PTPRN2: variants seen among roughly 807,000 people sequenced by gnomAD.
The protein encoded by PTPRN2 is receptor-type tyrosine-protein phosphatase N2.
A neutral mutation model predicts 118.8 loss-of-function variants in PTPRN2; 74 were observed. The observed-to-expected ratio is 0.62, with a 90% CI of 0.52 to 0.76. The LOEUF is 0.76. Among genes scored for constraint, PTPRN2 ranks in the 30% least tolerant of loss-of-function variants. The probability of loss-of-function intolerance (pLI) is 0.00; values close to 1 mark genes in which losing one functional copy is unlikely to be tolerated. For missense variants in PTPRN2, 1,481 were observed against 1,394.4 expected, an observed-to-expected ratio of 1.06 and a Z score of -0.99; for synonymous variants, 641 against 608.0, an observed-to-expected ratio of 1.05 and a Z score of -0.80.
chr7:157,683,534 C>G, intron 12 of PTPRN2, among the ~76,000 whole-genome samples: 1 of 152,356 alleles, frequency 6.6e-6, no homozygotes, highest in Non-Finnish European at 1.5e-5. Context: ...ACTCCAGTCA[C>G]TCTCCAGGAG....
At chr7:158,394,375 G>T (rs1586560546) in intron 2 of PTPRN2, among the ~76,000 whole-genome samples, 1 of 152,224 alleles carries the variant, frequency 6.6e-6, no homozygotes, top group African/African-American at 2.4e-5. Context: ...GGCATTGGAG[G>T]CCACGGAAGT....
intron 3 of PTPRN2, among the ~76,000 whole-genome samples, chr7:158,296,320 A>G (rs1800496173): frequency 6.6e-6 from 1 of 152,068 alleles, no homozygotes. Context: ...GTTGGAGGAG[A>G]GCCTGGCTGC....
intron 14 of PTPRN2, among the ~76,000 whole-genome samples, chr7:157,644,312 C>T (rs771443633): frequency 6.6e-5 from 10 of 152,212 alleles, no homozygotes; most frequent in Non-Finnish European, 1.3e-4. Flanking sequence ...TCAGGAGGAA[C>T]AAGCCCTGCC....
At chr7:157,915,742 T>C (rs1798360282) in intron 11 of PTPRN2, among the ~76,000 whole-genome samples, 1 of 152,202 alleles carries the variant, frequency 6.6e-6, no homozygotes, top group African/African-American at 2.4e-5. Flanking sequence ...AGTCATCCAC[T>C]GATGTCCCCG....
intron 2 of PTPRN2, among the ~76,000 whole-genome samples, chr7:158,422,709 T>C (rs1471847630): frequency 1.3e-5 from 2 of 151,280 alleles, no homozygotes; most frequent in Non-Finnish European, 2.9e-5. Context: ...CATTCGGATG[T>C]GGTCTCAGTC....
Position 158,440,646 on chromosome 7 carries a change from A to G in PTPRN2, c.163+49089T>C, listed in dbSNP as rs951584538. On this transcript the variant is annotated intron_variant, in intron 2 of 22. Transcript: ENST00000389418. ...AGGTGGTCGTGGTGATGATGGTGGC[A>G]GTAGTGATGGTGGTAGTGATAGTGA... Among the ~76,000 whole-genome samples, 86 of 117,128 alleles carry G rather than the reference A, an allele frequency of 7.3e-4. 1 individual carries two copies. Among genetic ancestry groups the G allele is most frequent in the African/African-American group, 2.4e-3 (69 of 28,926 alleles). 76.8% of individuals were successfully genotyped at this position (117,128 alleles called of 152,430 possible). A position where few individuals can be genotyped will look rare whatever the true frequency, so the allele number is the denominator to read the frequency against.
At chr7:157,948,122 A>G (rs1800596208) in intron 11 of PTPRN2, among the ~76,000 whole-genome samples, 1 of 152,268 alleles carries the variant, frequency 6.6e-6, no homozygotes, top group Non-Finnish European at 1.5e-5. Flanking sequence ...GCCATACAAG[A>G]AAATAAAGAA....
intron 2 of PTPRN2, among the ~76,000 whole-genome samples, chr7:158,452,850 G>C (rs1479823531): frequency 6.6e-6 from 1 of 152,230 alleles, no homozygotes; most frequent in Non-Finnish European, 1.5e-5. Flanking sequence ...ACTGCACAAA[G>C]AGTCTTCTCC....
chr7:157,550,107 C>T lies in PTPRN2; in HGVS notation c.2903-1088G>A, dbSNP rs768946954. On this transcript the variant is annotated intron_variant, in intron 21 of 22. Coordinates refer to ENST00000389418, the MANE Select transcript of PTPRN2 (RefSeq NM_002847.5). The surrounding 1 kb of genome is among the most constrained non-coding windows in gnomAD (Gnocchi z 5.2). ...CAGGTGGTCCCCAGGCCTTTCTCTC[C>T]GGCCGCAACCTGAGTGCACACCACA... 2.6e-5 allele frequency among the ~76,000 whole-genome samples: 4 copies of T among 152,226 alleles called. No homozygotes were observed. Among genetic ancestry groups the T allele is most frequent in the Admixed American group, 1.3e-4 (2 of 15,284 alleles).
intron 3 of PTPRN2, among the ~76,000 whole-genome samples, chr7:158,300,806 C>G (rs1800838280): frequency 6.6e-6 from 1 of 152,086 alleles, no homozygotes; most frequent in Admixed American, 6.5e-5. Flanking sequence ...AGCCCACAGT[C>G]CTTCTCATGT....
intron 2 of PTPRN2, among the ~76,000 whole-genome samples, chr7:158,318,187 G>A (rs1802507795): frequency 6.6e-6 from 1 of 152,202 alleles, no homozygotes; most frequent in South Asian, 2.1e-4. Context: ...CGCACCACAG[G>A]CGGGAACACA....
rs1193712841 is a variant in PTPRN2 at position 158,265,402 on chromosome 7, G to A, written c.277+51417C>T. On this transcript the variant is annotated intron_variant, in intron 3 of 22. Transcript: ENST00000389418. ...TACTTGCAGGCAGGCACCCACCTGC[G>A]GGCACACACCTGTGGGCACACACCT... 6.2e-5 allele frequency among the ~76,000 whole-genome samples: 9 copies of A among 146,196 alleles called. No individual in the cohort carries two copies. In the East Asian group the frequency reaches 1.2e-3, roughly 20 times the overall value.
intron 9 of PTPRN2, among the ~76,000 whole-genome samples, chr7:158,121,612 G>A (rs1003837981): frequency 1.3e-5 from 2 of 152,256 alleles, no homozygotes; most frequent in African/African-American, 4.8e-5. Flanking sequence ...GCTCCACCAC[G>A]AATCCTGGGC....
At chr7:158,203,225 C>CAAAAA (rs56016358) in intron 4 of PTPRN2, among the ~76,000 whole-genome samples, 5 of 50,342 alleles carry the variant, frequency 9.9e-5, no homozygotes, top group Admixed American at 2.8e-4. Flanking sequence ...AAGCAAGAGC[C>CAAAAA]AAAAAAAAAA....
In PTPRN2 at chr7:158,285,278, T is replaced by C. The variant is rs142861252; in HGVS notation, c.277+31541A>G. 9.0e-3 allele frequency among the ~76,000 whole-genome samples: 1,376 copies of C among 152,286 alleles called. 25 individuals carry two copies. The highest frequency in any genetic ancestry group is 0.031 in the African/African-American group (1,308 of 41,570). On this transcript the variant is annotated intron_variant, in intron 3 of 22. Transcript: ENST00000389418. ...AACAAAAGAGTGGTCTGGGGGATCC[T>C]GTGCTATGTAGGGACAGGAGAAGGT...
rs544851186 is a variant in PTPRN2 at position 158,552,870 on chromosome 7, G to A, written c.112+34688C>T. ...ACACCCCAGAGAAACCCTAGAGAGTGGACACTATCCTCCGTGTCTACACAC... is the reference window on the plus strand; with the variant it reads ...ACACCCCAGAGAAACCCTAGAGAGTAGACACTATCCTCCGTGTCTACACAC... On this transcript the variant is annotated intron_variant, in intron 1 of 22. Coordinates refer to ENST00000389418, the MANE Select transcript of PTPRN2 (RefSeq NM_002847.5). 2.6e-5 allele frequency among the ~76,000 whole-genome samples: 4 copies of A among 152,236 alleles called. No individual in the cohort carries two copies. In the South Asian group the frequency reaches 8.3e-4, roughly 32 times the overall value.
chr7:158,573,620 AT>A (rs758735019), intron 1 of PTPRN2, among the ~76,000 whole-genome samples: 55 of 152,188 alleles, frequency 3.6e-4, no homozygotes, highest in Non-Finnish European at 6.9e-4. Context: ...CTGGGTCTGA[AT>A]GTCCTTATGT....
chr7:157,898,820 G>T, intron 11 of PTPRN2, 83 bp from the exon 12 acceptor site: 1 of 1,283,904 alleles, frequency 7.8e-7, no homozygotes, highest in Non-Finnish European at 1.1e-6. Flanking sequence ...TTCCTCCATT[G>T]AAAATTTCAA....
chr7:158,056,737 C>T (rs973432701), intron 11 of PTPRN2, among the ~76,000 whole-genome samples: 3 of 152,160 alleles, frequency 2.0e-5, no homozygotes, highest in Admixed American at 6.5e-5. Context: ...TTGTTCAGTG[C>T]CTACAATCAA....
Sources: allele counts gnomAD v4.1 joint callset (sites outside exome capture counted in the v4.1 genomes callset), GRCh38; gene constraint gnomAD v4.1.1; non-coding constraint Gnocchi (gnomAD v3.1); transcripts MANE v1.5; gene names NCBI Gene and HGNC (gene_info 2026-07-23, HGNC 2026-07-21).